The following SLC5A4 variants were observed in gnomAD, a reference collection of about 807,000 sequenced individuals.
SLC5A4 encodes the protein solute carrier family 5 member 4, also known as probable glucose sensor protein SLC5A4.
A neutral mutation model predicts 70.3 loss-of-function variants in SLC5A4; 55 were observed. The observed-to-expected ratio is 0.78, with a 90% CI of 0.63 to 0.98. The LOEUF is 0.98. Among genes scored for constraint, SLC5A4 ranks in the 50% least tolerant of loss-of-function variants. The probability of loss-of-function intolerance (pLI) is 0.00; values close to 1 mark genes in which losing one functional copy is unlikely to be tolerated. For missense variants in SLC5A4, 735 were observed against 839.2 expected (o/e 0.88, Z 1.53); for synonymous variants, 268 against 305.7 (o/e 0.88, Z 1.29).
chr22:32,255,732 G>T (rs1009308502), upstream of SLC5A4, among the ~76,000 whole-genome samples: 3 of 152,218 alleles, frequency 2.0e-5, no homozygotes, highest in Admixed American at 2.0e-4. Context: ...TCAGAGAACA[G>T]ATACAGTTTC....
the SLC5A4 span, among the ~76,000 whole-genome samples, chr22:32,303,248 A>C: frequency 6.6e-6 from 1 of 152,214 alleles, no homozygotes; most frequent in East Asian, 1.9e-4. Flanking sequence ...GACATCATCA[A>C]TATGTGTAAG....
At chr22:32,246,783 C>T (rs896356274) in intron 5 of SLC5A4, among the ~76,000 whole-genome samples, 5 of 152,150 alleles carry the variant, frequency 3.3e-5, no homozygotes, top group African/African-American at 9.7e-5. Flanking sequence ...CTGCCTCAGC[C>T]TCCCAAAGTG....
At chr22:32,325,089 G>T in the SLC5A4 span, among the ~76,000 whole-genome samples, 1 of 152,234 alleles carries the variant, frequency 6.6e-6, no homozygotes, top group South Asian at 2.1e-4. Context: ...GCCCCTCATT[G>T]CCAGTCCCGT....
At chr22:32,297,784 G>A in the SLC5A4 span, among the ~76,000 whole-genome samples, 52 of 118,432 alleles carry the variant, frequency 4.4e-4, 4 homozygotes, top group Non-Finnish European at 7.0e-4. Flanking sequence ...GTCTCTTGTG[G>A]GCATTTAGTG....
the SLC5A4 span, among the ~76,000 whole-genome samples, chr22:32,267,071 T>C: frequency 6.6e-6 from 1 of 152,212 alleles, no homozygotes; most frequent in Non-Finnish European, 1.5e-5. Flanking sequence ...TGATGCCAAA[T>C]GTTTTGTTTG....
chr22:32,240,900 G>T (rs1391493981), intron 5 of SLC5A4, among the ~76,000 whole-genome samples: 1 of 152,192 alleles, frequency 6.6e-6, no homozygotes, highest in Non-Finnish European at 1.5e-5. Context: ...GAAATATGTG[G>T]GGAACACTTA....
intron 5 of SLC5A4, among the ~76,000 whole-genome samples, chr22:32,244,524 A>ATGTAAGTAAG (rs2145688695): frequency 6.6e-6 from 1 of 152,320 alleles, no homozygotes; most frequent in South Asian, 2.1e-4. Flanking sequence ...AGTAGTTGAC[A>ATGTAAGTAAG]TATTATCAAT....
chr22:32,324,958 G>A, the SLC5A4 span, among the ~76,000 whole-genome samples: 1 of 152,238 alleles, frequency 6.6e-6, no homozygotes, highest in Non-Finnish European at 1.5e-5. Flanking sequence ...TCACATGCGG[G>A]GCTGTAGCCT....
At chr22:32,300,522 A>G in the SLC5A4 span, among the ~76,000 whole-genome samples, 68,915 of 146,922 alleles carry the variant, frequency 0.47, 16,298 homozygotes, top group Admixed American at 0.51. Flanking sequence ...TTCGGCTCGC[A>G]CACGGTGCGC....
the SLC5A4 span, among the ~76,000 whole-genome samples, chr22:32,267,848 G>C: frequency 6.6e-6 from 1 of 152,212 alleles, no homozygotes; most frequent in African/African-American, 2.4e-5. Flanking sequence ...GTCCTGGCTG[G>C]ACGTGGTGGC....
chr22:32,342,619 G>C, the SLC5A4 span, among the ~76,000 whole-genome samples: 8 of 152,120 alleles, frequency 5.3e-5, no homozygotes, highest in East Asian at 3.9e-4. Context: ...GCAATACTTA[G>C]AAGTAATTTA....
chr22:32,329,414 G>A, the SLC5A4 span, among the ~76,000 whole-genome samples: 13 of 152,148 alleles, frequency 8.5e-5, no homozygotes, highest in African/African-American at 2.2e-4. Flanking sequence ...CAGCGGGGCC[G>A]CGGACATGCT....
the SLC5A4 span, among the ~76,000 whole-genome samples, chr22:32,293,970 T>C: frequency 1.8e-4 from 27 of 152,298 alleles, no homozygotes; most frequent in Admixed American, 5.2e-4. Flanking sequence ...TTACTGTAGT[T>C]TGTAAGTCTA....
chr22:32,317,639 A>T, the SLC5A4 span, among the ~76,000 whole-genome samples: 2 of 152,040 alleles, frequency 1.3e-5, no homozygotes, highest in African/African-American at 4.8e-5. Context: ...ATTAAATAAA[A>T]ATTCTTTGTA....
chr22:32,330,775 G>A, the SLC5A4 span, among the ~76,000 whole-genome samples: 5 of 117,686 alleles, frequency 4.2e-5, no homozygotes, highest in Non-Finnish European at 7.1e-5. Flanking sequence ...TATGTGTTGG[G>A]GGCTCTGGTG....
chr22:32,261,886 T>A, the SLC5A4 span, among the ~76,000 whole-genome samples: 1 of 152,230 alleles, frequency 6.6e-6, no homozygotes, highest in Non-Finnish European at 1.5e-5. Flanking sequence ...TTCAACTGTT[T>A]TGATTTTTAG....
chr22:32,327,059 CTA>C, the SLC5A4 span: 1 of 152,230 alleles, frequency 6.6e-6, no homozygotes, highest in Non-Finnish European at 1.5e-5. Flanking sequence ...AAGACTAAAT[CTA>C]TGTTGTTTTA....
At chr22:32,223,155 AT>A (rs1249597600) in intron 13 of SLC5A4, among the ~76,000 whole-genome samples, 2 of 152,194 alleles carry the variant, frequency 1.3e-5, no homozygotes, top group Non-Finnish European at 2.9e-5. Context: ...CAGCTGCATA[AT>A]GTTCAGTGCC....
the SLC5A4 span, among the ~76,000 whole-genome samples, chr22:32,311,032 A>G: frequency 7.7e-3 from 1,164 of 152,152 alleles, 4 homozygotes; most frequent in Non-Finnish European, 0.013. Context: ...TTCTGCCTGG[A>G]ATGCTCTTTT....
Sources: allele counts gnomAD v4.1 joint callset (sites outside exome capture counted in the v4.1 genomes callset), GRCh38; gene constraint gnomAD v4.1.1; transcripts MANE v1.5; gene names NCBI Gene and HGNC (gene_info 2026-07-23, HGNC 2026-07-21).